RXRG: variants seen among roughly 807,000 people sequenced by gnomAD.
RXRG encodes retinoic acid receptor RXR-gamma.
In RXRG, 19 loss-of-function variants were observed where a neutral mutation model predicts 49.2. That is an observed-to-expected ratio of 0.39 (90% CI 0.27 to 0.57). The LOEUF (loss-of-function observed/expected upper bound fraction) is 0.57, where lower values mean the gene tolerates loss of function less well. RXRG is among the 20% of genes least tolerant of loss of function. The probability of loss-of-function intolerance (pLI) is 0.64; values close to 1 mark genes in which losing one functional copy is unlikely to be tolerated. For synonymous variants in RXRG, 224 were observed against 216.6 expected, an observed-to-expected ratio of 1.03 and a Z score of -0.30; for missense variants, 452 against 592.5, an observed-to-expected ratio of 0.76 and a Z score of 2.46.
chr1:165,432,581 T>A (rs950444446), intron 1 of RXRG, among the ~76,000 whole-genome samples: 3 of 152,356 alleles, frequency 2.0e-5, no homozygotes, highest in African/African-American at 7.2e-5. Flanking sequence ...TCACTCCTTT[T>A]TTTTGTTTGT....
intron 4 of RXRG, among the ~76,000 whole-genome samples, chr1:165,412,834 G>T (rs186993783): frequency 6.6e-6 from 1 of 152,076 alleles, no homozygotes; most frequent in Non-Finnish European, 1.5e-5. Flanking sequence ...ACAACATGTA[G>T]AAACTATAAT....
intron 9 of RXRG, among the ~76,000 whole-genome samples, chr1:165,403,557 C>T (rs1657651869): frequency 2.0e-5 from 3 of 152,142 alleles, no homozygotes; most frequent in Admixed American, 2.0e-4. Flanking sequence ...AGATCTATGC[C>T]AATGCTACAC....
At chr1:165,414,352 C>T (rs1448475917) in intron 4 of RXRG, among the ~76,000 whole-genome samples, 1 of 152,154 alleles carries the variant, frequency 6.6e-6, no homozygotes, top group African/African-American at 2.4e-5. Context: ...TTCACATGTC[C>T]CTGTTTTCCT....
At chr1:165,420,735 C>A (rs1658286475) in intron 2 of RXRG, among the ~76,000 whole-genome samples, 1 of 152,168 alleles carries the variant, frequency 6.6e-6, no homozygotes, top group Non-Finnish European at 1.5e-5. Flanking sequence ...GGCTAAGTAT[C>A]TTGTGTTCAC....
chr1:165,404,741 T>A (rs1386310634), intron 9 of RXRG, among the ~76,000 whole-genome samples: 1 of 152,108 alleles, frequency 6.6e-6, no homozygotes, highest in African/African-American at 2.4e-5. Flanking sequence ...TAAGTTCTTA[T>A]TACCTGTTTT....
At chr1:165,429,491 G>A (rs1229967100) in intron 1 of RXRG, among the ~76,000 whole-genome samples, 1 of 152,228 alleles carries the variant, frequency 6.6e-6, no homozygotes, top group African/African-American at 2.4e-5. Flanking sequence ...GAGCAGAAGA[G>A]CACACAGTCG....
At chr1:165,442,868 A>G (rs1261310864) in intron 1 of RXRG, among the ~76,000 whole-genome samples, 2 of 152,248 alleles carry the variant, frequency 1.3e-5, no homozygotes, top group African/African-American at 4.8e-5. Context: ...TCACACAGCT[A>G]CTAGGTGAAA....
intron 1 of RXRG, among the ~76,000 whole-genome samples, chr1:165,438,387 G>A (rs1658880310): frequency 6.6e-6 from 1 of 151,962 alleles, no homozygotes; most frequent in Admixed American, 6.6e-5. Flanking sequence ...AAACACTTCT[G>A]GTGTTAAGCA....
intron 1 of RXRG, among the ~76,000 whole-genome samples, chr1:165,439,863 T>C (rs886105269): frequency 1.3e-5 from 2 of 152,210 alleles, no homozygotes; most frequent in Admixed American, 6.5e-5. Flanking sequence ...TATAGGAAAG[T>C]CCCCTTGAAT....
intron 9 of RXRG, among the ~76,000 whole-genome samples, chr1:165,401,851 G>A (rs74582823): frequency 0.014 from 2,174 of 152,282 alleles, 60 homozygotes; most frequent in African/African-American, 0.049. Context: ...GTCACCATTA[G>A]ATGACACGTT....
At chr1:165,409,833 A>C in intron 6 of RXRG, 143 bp from the exon 7 acceptor site, 2 of 754,134 alleles carry the variant, frequency 2.7e-6, no homozygotes, top group Non-Finnish European at 3.7e-6. Context: ...TCAAGATGAC[A>C]CAGTTCATTA....
chr1:165,417,413 G>T (rs190800), intron 3 of RXRG, among the ~76,000 whole-genome samples, 193 bp from the exon 4 acceptor site: 152,263 of 152,312 alleles, frequency 1, 76,107 homozygotes, highest in East Asian at 1. Flanking sequence ...AAATACACTT[G>T]TCCTCGTGTC....
chr1:165,421,529 CTTT>C (rs34676879), intron 2 of RXRG, among the ~76,000 whole-genome samples: 3 of 131,398 alleles, frequency 2.3e-5, no homozygotes, highest in East Asian at 2.2e-4. Context: ...TCTGGCATTT[CTTT>C]TTTTTTTTTT....
chr1:165,428,665 T>G (rs1658567934), intron 2 of RXRG, 54 bp downstream of exon 2: 3 of 1,534,044 alleles, frequency 2.0e-6, no homozygotes, highest in Non-Finnish European at 2.6e-6. Context: ...AGGAGCAGCC[T>G]GGGTGAAACC....
intron 4 of RXRG, among the ~76,000 whole-genome samples, chr1:165,413,050 A>G (rs1658004470): frequency 6.6e-6 from 1 of 152,226 alleles, no homozygotes; most frequent in Non-Finnish European, 1.5e-5. Context: ...AGCTTCAGAG[A>G]AAATATCCTT....
chr1:165,437,097 G>A (rs1658838105), intron 1 of RXRG: 1 of 1,360,560 alleles, frequency 7.3e-7, no homozygotes, highest in South Asian at 1.2e-5. Flanking sequence ...CTGGTCACTA[G>A]TGTCATGGGG....
At chr1:165,403,714 G>A (rs1167612601) in intron 9 of RXRG, among the ~76,000 whole-genome samples, 4 of 152,210 alleles carry the variant, frequency 2.6e-5, no homozygotes, top group Non-Finnish European at 5.9e-5. Flanking sequence ...AAAGGAAACA[G>A]CTTCTCTGTA....
intron 2 of RXRG, chr1:165,424,787 A>G (rs1042461301): frequency 1.5e-5 from 15 of 985,534 alleles, no homozygotes; most frequent in Non-Finnish European, 1.7e-5. Context: ...TGCTTCCATC[A>G]TGAATCCCTC....
At chr1:165,411,646 G>A (rs895990768) in intron 4 of RXRG, among the ~76,000 whole-genome samples, 1 of 152,182 alleles carries the variant, frequency 6.6e-6, no homozygotes, top group Non-Finnish European at 1.5e-5. Flanking sequence ...CCAGCTGTGG[G>A]TATTTAGTAA....
Sources: gnomAD v4.1 joint callset for allele counts (sites outside exome capture counted in the v4.1 genomes callset) on GRCh38, gnomAD v4.1.1 for gene constraint, MANE v1.5 for transcripts, NCBI Gene and HGNC (gene_info 2026-07-23, HGNC 2026-07-21) for gene names.